Variants in PFKFB3 observed in about 807,000 individuals in gnomAD.
The protein encoded by PFKFB3 is 6-phosphofructo-2-kinase/fructose-2,6-bisphosphatase 3.
In PFKFB3, 33 loss-of-function variants were observed where a neutral mutation model predicts 68.0. The observed-to-expected ratio is 0.49, with a 90% confidence interval of 0.37 to 0.65. PFKFB3 has a LOEUF of 0.65. Ranked by LOEUF, PFKFB3 falls within the 30% of genes least tolerant of loss-of-function variation. PFKFB3 has a pLI of 0.00. For synonymous variants in PFKFB3, 315 were observed against 288.2 expected (o/e 1.09, Z -0.94); for missense variants, 586 against 712.2 (o/e 0.82, Z 2.02).
the PFKFB3 span, among the ~76,000 whole-genome samples, chr10:6,262,263 G>A: frequency 2.0e-5 from 3 of 151,494 alleles, no homozygotes; most frequent in African/African-American, 7.3e-5. Flanking sequence ...GACCATCCTG[G>A]CTAACATGGT....
rs1373199539 is a variant in PFKFB3, at chr10:6,154,298, T to C, written c.16+9285T>C. Among the ~76,000 whole-genome samples the C allele has an allele frequency of 2.0e-5, 3 of 150,526 alleles. No homozygotes were observed. The highest frequency in any genetic ancestry group is 1.3e-4 in the Admixed American group (2 of 15,068). ...TCCCACTCTGTTGGCCAGGCTGGAG[T>C]GCAGTGGCGCGTTCTCGGCTCACTG... On this transcript the variant is annotated intron_variant, in intron 1 of 14. Transcript: ENST00000379789. The surrounding 1 kb of genome is among the most constrained non-coding windows in gnomAD (Gnocchi z 4.6).
At chr10:6,273,343 C>G in the PFKFB3 span, among the ~76,000 whole-genome samples, 2 of 152,080 alleles carry the variant, frequency 1.3e-5, no homozygotes, top group African/African-American at 2.4e-5. Context: ...TTCTGGGGCC[C>G]GAGGAGCTTG....
At chr10:6,262,480 G>A in the PFKFB3 span, among the ~76,000 whole-genome samples, 11 of 114,830 alleles carry the variant, frequency 9.6e-5, no homozygotes, top group African/African-American at 1.0e-4. Flanking sequence ...AAAAAAAAAA[G>A]CTGTCTTTGG....
intron 1 of PFKFB3, among the ~76,000 whole-genome samples, chr10:6,196,162 C>T (rs890379743): frequency 3.3e-5 from 5 of 150,162 alleles, no homozygotes; most frequent in Admixed American, 2.7e-4. Context: ...GATGGAGTCT[C>T]GCTCTGTCTC....
At chr10:6,230,917 T>C (rs572964186) in intron 14 of PFKFB3, among the ~76,000 whole-genome samples, 9 of 152,290 alleles carry the variant, frequency 5.9e-5, no homozygotes, top group South Asian at 4.1e-4. Context: ...GGTTTCACCA[T>C]GTTGGCCAGG....
At chr10:6,270,651 G>T in the PFKFB3 span, among the ~76,000 whole-genome samples, 1 of 152,108 alleles carries the variant, frequency 6.6e-6, no homozygotes, top group Non-Finnish European at 1.5e-5. Context: ...TTACCAGGTG[G>T]TTTCTAATGC....
In PFKFB3 at chr10:6,213,619, C is replaced by G; in HGVS notation, c.77-4C>G. ...TGACACACCCTTCTTGCTTGTTTTT[C>G]CAGCCTGTGGGCCAAAGCTGACCAA... On this transcript the variant is annotated splice_polypyrimidine_tract_variant and splice_region_variant and intron_variant, in intron 1 of 14. Transcript: ENST00000379775. 1.2e-6 allele frequency: 2 copies of G among 1,609,904 alleles called. No homozygotes were observed. Among genetic ancestry groups the G allele is most frequent in the Non-Finnish European group, 1.7e-6 (2 of 1,177,878 alleles).
the PFKFB3 span, among the ~76,000 whole-genome samples, chr10:6,318,069 C>A: frequency 2.6e-5 from 4 of 152,202 alleles, no homozygotes; most frequent in Admixed American, 2.6e-4. Context: ...CTTTTCATGA[C>A]ACCATGCCCC....
At chr10:6,207,744 A>C (rs945336170) in intron 1 of PFKFB3, among the ~76,000 whole-genome samples, 3 of 152,248 alleles carry the variant, frequency 2.0e-5, no homozygotes, top group Admixed American at 1.3e-4. Flanking sequence ...TGCTACATCA[A>C]CATGATGGTA....
chr10:6,254,097 C>CTTTTTTTT (rs34789693), intron 14 of PFKFB3: 9 of 301,160 alleles, frequency 3.0e-5, no homozygotes, highest in African/African-American at 5.0e-5. Flanking sequence ...TTTCAGATGG[C>CTTTTTTTT]TTTTTTTTTT....
At chr10:6,255,372 C>A (rs1239631531), downstream of PFKFB3, among the ~76,000 whole-genome samples, 1 of 152,238 alleles carries the variant, frequency 6.6e-6, no homozygotes, top group Non-Finnish European at 1.5e-5. Flanking sequence ...GATCTGCCCA[C>A]CTCGGCCTCC....
chr10:6,291,478 A>C, the PFKFB3 span, among the ~76,000 whole-genome samples: 1 of 151,984 alleles, frequency 6.6e-6, no homozygotes, highest in South Asian at 2.1e-4. Context: ...CTCAAGCCCA[A>C]GAGGCAGAGG....
At chr10:6,284,489 TA>T in the PFKFB3 span, among the ~76,000 whole-genome samples, 2 of 152,354 alleles carry the variant, frequency 1.3e-5, no homozygotes, top group Non-Finnish European at 1.5e-5. Flanking sequence ...CTGAAATTAA[TA>T]CAAATACTCC....
chr10:6,303,882 C>T, the PFKFB3 span, among the ~76,000 whole-genome samples: 2 of 150,562 alleles, frequency 1.3e-5, no homozygotes, highest in Non-Finnish European at 3.0e-5. Context: ...TAGAACAGAA[C>T]AGGAGTGAAG....
At chr10:6,224,975 A>G (rs1373814714) in intron 13 of PFKFB3, among the ~76,000 whole-genome samples, 2 of 91,064 alleles carry the variant, frequency 2.2e-5, no homozygotes, top group South Asian at 3.7e-4. Flanking sequence ...TGGAGAGCAG[A>G]GGCCTGGGGG....
intron 1 of PFKFB3, among the ~76,000 whole-genome samples, chr10:6,189,463 G>A (rs534106507): frequency 6.6e-5 from 10 of 151,412 alleles, no homozygotes; most frequent in Non-Finnish European, 8.8e-5. Flanking sequence ...GGATGCTCGA[G>A]TAGTAGTGAT....
At chr10:6,235,779 T>C (rs1018950094), downstream of PFKFB3, among the ~76,000 whole-genome samples, 23 of 151,242 alleles carry the variant, frequency 1.5e-4, no homozygotes, top group African/African-American at 4.6e-4. Context: ...TTCTTTTTTT[T>C]TTTTTGAGAC....
chr10:6,244,925 C>T (rs1432441936), intron 14 of PFKFB3, among the ~76,000 whole-genome samples: 2 of 152,102 alleles, frequency 1.3e-5, no homozygotes, highest in Non-Finnish European at 2.9e-5. Flanking sequence ...ATACACTCAC[C>T]ATAAAATGAG....
intron 1 of PFKFB3, among the ~76,000 whole-genome samples, chr10:6,177,438 C>CTTTTCTTTCTTTCTTTCTTTCTTTCTT (rs1554842946): frequency 1.2e-5 from 1 of 86,630 alleles, no homozygotes; most frequent in Non-Finnish European, 2.3e-5. Context: ...TCTTTTCTTT[C>CTTTTCTTTCTTTCTTTCTTTCTTTCTT]TCTTTCTTTC....
Sources: allele counts gnomAD v4.1 joint callset (sites outside exome capture counted in the v4.1 genomes callset), GRCh38; gene constraint gnomAD v4.1.1; non-coding constraint Gnocchi (gnomAD v3.1); transcripts MANE v1.5; gene names NCBI Gene and HGNC (gene_info 2026-07-23, HGNC 2026-07-21).